HHAT: variants seen among roughly 807,000 people sequenced by gnomAD.
HHAT encodes protein-cysteine N-palmitoyltransferase HHAT.
HHAT carries 47 observed loss-of-function variants against 70.8 expected under a neutral mutation model. The ratio of observed to expected loss-of-function variants is 0.66; its 90% CI spans 0.53 to 0.85. The LOEUF (loss-of-function observed/expected upper bound fraction) is 0.85. Ranked by LOEUF, HHAT falls within the 40% of genes least tolerant of loss-of-function variation. The probability of loss-of-function intolerance (pLI) is 0.00; values close to 1 mark genes in which losing one functional copy is unlikely to be tolerated. For synonymous variants in HHAT, 228 were observed against 247.6 expected (o/e 0.92, Z 0.74); for missense variants, 609 against 604.8 (o/e 1.01, Z -0.07).
chr1:210,582,252 C>T (rs79464234), intron 9 of HHAT, among the ~76,000 whole-genome samples: 2 of 151,990 alleles, frequency 1.3e-5, no homozygotes, highest in Admixed American at 6.6e-5. Context: ...GGATTTGTCA[C>T]CAAAGCCAAG....
At chr1:210,502,869 A>C (rs947503354) in intron 8 of HHAT, among the ~76,000 whole-genome samples, 3 of 152,174 alleles carry the variant, frequency 2.0e-5, no homozygotes, top group Non-Finnish European at 2.9e-5. Context: ...CAACACCTGG[A>C]GTGAATCAGC....
rs3765870 is a variant in HHAT, at chr1:210,384,435, T to C, written c.160-3033T>C. Among the ~76,000 whole-genome samples the C allele has an allele frequency of 3.6e-4, 55 of 152,328 alleles. 1 individual carries two copies. The East Asian group carries it at 0.01, about 28-fold the overall frequency. On this transcript the variant is annotated intron_variant, in intron 3 of 11. Coordinates refer to ENST00000261458, the MANE Select transcript of HHAT (RefSeq NM_018194.6). ...CTGTAGGAAGGCATAATCAGTCATGTAGATTGGTCCCCAGGCTGGTAGTAT... is the reference window on the plus strand; with the variant it reads ...CTGTAGGAAGGCATAATCAGTCATGCAGATTGGTCCCCAGGCTGGTAGTAT...
chr1:210,472,303 C>T (rs1307664772), intron 8 of HHAT, among the ~76,000 whole-genome samples: 2 of 152,302 alleles, frequency 1.3e-5, no homozygotes, highest in African/African-American at 4.8e-5. Context: ...ATTATTTTTG[C>T]CACTCTACAG....
intron 11 of HHAT, among the ~76,000 whole-genome samples, chr1:210,667,380 C>CAATA (rs3067940): frequency 0.35 from 52,088 of 150,290 alleles, 10,264 homozygotes; most frequent in South Asian, 0.53. Flanking sequence ...GAAACTCCGT[C>CAATA]AATAAATAAA....
chr1:210,367,840 T>C (rs1412703793), intron 3 of HHAT, among the ~76,000 whole-genome samples: 1 of 152,142 alleles, frequency 6.6e-6, no homozygotes, highest in Non-Finnish European at 1.5e-5. Context: ...TCAGACTCCA[T>C]ATGCTTTGGT....
chr1:210,442,119 C>A (rs958082771), intron 7 of HHAT, among the ~76,000 whole-genome samples: 1 of 134,008 alleles, frequency 7.5e-6, no homozygotes, highest in Non-Finnish European at 1.7e-5. Context: ...TTTGTTCTTG[C>A]GATAGTTTAC....
At chr1:210,462,343 C>A (rs1473135098) in intron 7 of HHAT, 1 of 152,182 alleles carries the variant, frequency 6.6e-6, no homozygotes, top group Non-Finnish European at 1.5e-5. Context: ...GTCATTCTTA[C>A]TTTTATGTCC....
intron 3 of HHAT, among the ~76,000 whole-genome samples, chr1:210,371,499 A>G (rs112860374): frequency 6.6e-6 from 1 of 152,186 alleles, no homozygotes; most frequent in South Asian, 2.1e-4. Context: ...TTCAACCCAC[A>G]TTCTTTGGAG....
intron 7 of HHAT, among the ~76,000 whole-genome samples, chr1:210,454,941 TAAAGAA>T (rs746448660): frequency 4.6e-5 from 7 of 152,196 alleles, no homozygotes; most frequent in East Asian, 3.9e-4. Context: ...AGTTTGGTGT[TAAAGAA>T]AAAGAAGAAA....
At chr1:210,437,316 G>A (rs191485675) in intron 7 of HHAT, among the ~76,000 whole-genome samples, 1 of 152,014 alleles carries the variant, frequency 6.6e-6, no homozygotes, top group East Asian at 1.9e-4. Context: ...TGTTATGTCT[G>A]ATAACATGAC....
intron 1 of HHAT, among the ~76,000 whole-genome samples, chr1:210,346,358 A>G (rs1174500689): frequency 6.6e-6 from 1 of 152,224 alleles, no homozygotes; most frequent in Non-Finnish European, 1.5e-5. Context: ...TTAAATTATA[A>G]GCCAAGAAGT....
At chr1:210,650,024 T>G (rs1674810174) in intron 11 of HHAT, among the ~76,000 whole-genome samples, 1 of 152,096 alleles carries the variant, frequency 6.6e-6, no homozygotes, top group Admixed American at 6.5e-5. Flanking sequence ...CTTGTCAGAG[T>G]TTTTCCCCTG....
intron 4 of HHAT, 49 bp from the exon 5 acceptor site, chr1:210,400,419 C>A: frequency 6.6e-7 from 1 of 1,511,466 alleles, no homozygotes; most frequent in Non-Finnish European, 8.9e-7. Flanking sequence ...ATTTTCCTCC[C>A]TCCCCTCTTC....
intron 11 of HHAT, among the ~76,000 whole-genome samples, chr1:210,659,612 CA>C (rs747064478): frequency 3.3e-5 from 5 of 151,958 alleles, no homozygotes; most frequent in Non-Finnish European, 2.9e-5. Flanking sequence ...AGAGACACAA[CA>C]AAAAAAGAGA....
chr1:210,559,541 T>C (rs73079536), intron 9 of HHAT, among the ~76,000 whole-genome samples: 1,672 of 152,324 alleles, frequency 0.011, 29 homozygotes, highest in African/African-American at 0.039. Flanking sequence ...TGATTGGAAG[T>C]GGTGGAGCTA....
chr1:210,649,521 C>T (rs1157326753), intron 11 of HHAT, among the ~76,000 whole-genome samples: 2 of 152,214 alleles, frequency 1.3e-5, no homozygotes, highest in Non-Finnish European at 2.9e-5. Context: ...CTATATGACC[C>T]TCAGATAGCA....
chr1:210,641,801 C>T (rs78200613), intron 11 of HHAT, among the ~76,000 whole-genome samples: 12,872 of 152,252 alleles, frequency 0.085, 723 homozygotes, highest in South Asian at 0.18. Flanking sequence ...GAGACACACC[C>T]ATCCACATCT....
chr1:210,669,085 T>G (rs879691004), intron 11 of HHAT, among the ~76,000 whole-genome samples: 4 of 152,218 alleles, frequency 2.6e-5, no homozygotes, highest in Admixed American at 2.6e-4. Flanking sequence ...ACATTACCTT[T>G]TAAAGAAGGT....
At chr1:210,511,269 G>A (rs2094947747) in intron 8 of HHAT, among the ~76,000 whole-genome samples, 1 of 152,186 alleles carries the variant, frequency 6.6e-6, no homozygotes, top group African/African-American at 2.4e-5. Context: ...TTATGAATAA[G>A]TGGAATTTAT....
Sources: allele counts gnomAD v4.1 joint callset (sites outside exome capture counted in the v4.1 genomes callset), GRCh38; gene constraint gnomAD v4.1.1; transcripts MANE v1.5; gene names NCBI Gene and HGNC (gene_info 2026-07-23, HGNC 2026-07-21).